Variants in SHANK2 observed in about 807,000 individuals in gnomAD.
The protein encoded by SHANK2 is SH3 and multiple ankyrin repeat domains 2, also known as SH3 and multiple ankyrin repeat domains protein 2.
SHANK2 carries 43 observed loss-of-function variants against 133.7 expected under a neutral mutation model. The ratio of observed to expected loss-of-function variants is 0.32; its 90% CI spans 0.25 to 0.41. The LOEUF (loss-of-function observed/expected upper bound fraction) is 0.41. Ranked by LOEUF, SHANK2 falls within the 10% of genes least tolerant of loss-of-function variation. SHANK2 has a pLI of 1.00. For missense variants in SHANK2, 1,994 were observed against 2,235.8 expected (o/e 0.89, Z 2.18); for synonymous variants, 1,017 against 952.8 (o/e 1.07, Z -1.24).
chr11:71,206,218 G>A (rs1555117966), intron 2 of SHANK2, among the ~76,000 whole-genome samples: 2 of 152,176 alleles, frequency 1.3e-5, no homozygotes, highest in Non-Finnish European at 2.9e-5. Flanking sequence ...TCCCTCTCCG[G>A]ACAGGCACAC....
At chr11:70,574,392 G>A (rs2060089889) in intron 17 of SHANK2, among the ~76,000 whole-genome samples, 1 of 152,364 alleles carries the variant, frequency 6.6e-6, no homozygotes, top group South Asian at 2.1e-4. Flanking sequence ...GTCTTTGGAG[G>A]CAGGAGAACA....
intron 2 of SHANK2, among the ~76,000 whole-genome samples, chr11:71,210,250 A>ATATATATATATATATATG (rs1353494730): frequency 1.2e-5 from 1 of 85,512 alleles, no homozygotes; most frequent in Non-Finnish European, 2.1e-5. Flanking sequence ...ATATATATAT[A>ATATATATATATATATATG]TATTTATTTA....
intron 21 of SHANK2, among the ~76,000 whole-genome samples, chr11:70,494,536 T>G (rs1016516324): frequency 2.0e-5 from 3 of 152,074 alleles, no homozygotes; most frequent in Non-Finnish European, 4.4e-5. Context: ...TCAAGTGATG[T>G]GCCCGCCTTG....
chr11:70,698,424 C>A (rs200566408), intron 15 of SHANK2, among the ~76,000 whole-genome samples: 1 of 152,228 alleles, frequency 6.6e-6, no homozygotes, highest in Non-Finnish European at 1.5e-5. Flanking sequence ...TGCATGCTTT[C>A]GCAAAAACAA....
In SHANK2 at chr11:71,085,642, ATAT is replaced by A. The variant is rs1327185848; in HGVS notation, c.912+6777_912+6779del. On this transcript the variant is annotated intron_variant, in intron 8 of 25. Transcript: ENST00000601538. The stretch of plus-strand genomic sequence containing the variant: ...TATTATATATTATAATATATATAAT[ATAT>A]TATGTTATATATTATATTATATATG... 5.7e-3 allele frequency among the ~76,000 whole-genome samples: 255 copies of A among 44,454 alleles called. 2 individuals are homozygous for A. The highest frequency in any genetic ancestry group is 0.017 in the African/African-American group (240 of 14,090). 29.2% of individuals were successfully genotyped at this position (44,454 alleles called of 152,430 possible). A position where few individuals can be genotyped will look rare whatever the true frequency, so the allele number is the denominator to read the frequency against.
intron 6 of SHANK2, among the ~76,000 whole-genome samples, chr11:71,104,605 A>T (rs1951774438): frequency 6.6e-6 from 1 of 152,140 alleles, no homozygotes; most frequent in Admixed American, 6.5e-5. Flanking sequence ...GCTATAAGCC[A>T]TTGTGCTGGA....
intron 10 of SHANK2, among the ~76,000 whole-genome samples, chr11:70,902,882 C>A (rs746310615): frequency 1.4e-4 from 21 of 152,196 alleles, no homozygotes; most frequent in Non-Finnish European, 2.6e-4. Flanking sequence ...GGGTCCCCTA[C>A]AGATGCAGGA....
At chr11:71,172,983 T>C (rs1376798493) in intron 2 of SHANK2, among the ~76,000 whole-genome samples, 3 of 152,236 alleles carry the variant, frequency 2.0e-5, no homozygotes. Flanking sequence ...TCCGGGGCCA[T>C]TGGGCTGCTG....
intron 1 of SHANK2, among the ~76,000 whole-genome samples, chr11:71,238,204 G>A (rs1565531823): frequency 6.6e-6 from 1 of 152,198 alleles, no homozygotes; most frequent in African/African-American, 2.4e-5. Context: ...AGCATTCCCT[G>A]CTCTGCCTGT....
At chr11:70,476,207 G>T (rs1232817159) in intron 25 of SHANK2, among the ~76,000 whole-genome samples, 2 of 152,116 alleles carry the variant, frequency 1.3e-5, no homozygotes, top group Admixed American at 6.5e-5. Flanking sequence ...CAGCCTGGGC[G>T]ACTGAGCTAG....
At chr11:70,644,016 C>A (rs538086619) in intron 17 of SHANK2, among the ~76,000 whole-genome samples, 1 of 152,024 alleles carries the variant, frequency 6.6e-6, no homozygotes, top group African/African-American at 2.4e-5. Context: ...TTGTACGTGG[C>A]GGCGAGCAGG....
intron 10 of SHANK2, among the ~76,000 whole-genome samples, chr11:70,908,322 A>T (rs948479237): frequency 2.6e-5 from 4 of 152,142 alleles, no homozygotes; most frequent in African/African-American, 9.7e-5. Flanking sequence ...GTTGGCTGGA[A>T]CACATCTGTT....
intron 17 of SHANK2, among the ~76,000 whole-genome samples, chr11:70,515,525 G>A (rs1005300510): frequency 8.6e-5 from 13 of 151,300 alleles, no homozygotes; most frequent in African/African-American, 1.9e-4. Context: ...ATGCCAGCCC[G>A]GAGCGGTGGC....
At chr11:70,948,994 C>G (rs1223796444) in intron 10 of SHANK2, among the ~76,000 whole-genome samples, 1 of 152,136 alleles carries the variant, frequency 6.6e-6, no homozygotes, top group African/African-American at 2.4e-5. Context: ...ATCAACCAAA[C>G]GAGAGCTGGG....
intron 14 of SHANK2, among the ~76,000 whole-genome samples, chr11:70,729,320 T>C (rs565896246): frequency 7.7e-4 from 117 of 151,774 alleles, no homozygotes; most frequent in Non-Finnish European, 1.5e-3. Context: ...TATCTACACA[T>C]GTCCAGATAC....
intron 1 of SHANK2, among the ~76,000 whole-genome samples, chr11:71,242,810 AG>A (rs1322161749): frequency 6.6e-6 from 1 of 152,254 alleles, no homozygotes; most frequent in Non-Finnish European, 1.5e-5. Context: ...AACATTCTCC[AG>A]GAGAGGCCTC....
intron 25 of SHANK2, chr11:70,477,333 G>C (rs781871949): frequency 6.6e-6 from 1 of 152,244 alleles, no homozygotes; most frequent in African/African-American, 2.4e-5. Context: ...AAGCCCATCC[G>C]TGGTGGTCCC....
intron 11 of SHANK2, among the ~76,000 whole-genome samples, chr11:70,824,521 G>A (rs1232790325): frequency 6.6e-6 from 1 of 152,172 alleles, no homozygotes; most frequent in Non-Finnish European, 1.5e-5. Flanking sequence ...GACAAGGAAC[G>A]GAAAAAGCTG....
chr11:70,655,268 G>T (rs782234114), intron 17 of SHANK2, among the ~76,000 whole-genome samples: 1 of 152,196 alleles, frequency 6.6e-6, no homozygotes, highest in Non-Finnish European at 1.5e-5. Flanking sequence ...AACAGTCACC[G>T]CACTGCTTTT....
Sources: gnomAD v4.1 joint callset for allele counts (sites outside exome capture counted in the v4.1 genomes callset) on GRCh38, gnomAD v4.1.1 for gene constraint, MANE v1.5 for transcripts, NCBI Gene and HGNC (gene_info 2026-07-23, HGNC 2026-07-21) for gene names.